Variants in CDH18 observed in about 807,000 individuals in gnomAD.
The protein encoded by CDH18 is cadherin 18.
In CDH18, 31 loss-of-function variants were observed where a neutral mutation model predicts 67.9. That is an observed-to-expected ratio of 0.46 (90% CI 0.34 to 0.62). The LOEUF is 0.62. CDH18 is among the 20% of genes least tolerant of loss of function. The pLI is 0.01. For synonymous variants in CDH18, 362 were observed against 347.2 expected (o/e 1.04, Z -0.48); for missense variants, 890 against 975.5 (o/e 0.91, Z 1.17).
At chr5:20,207,399 A>G (rs774992278) in intron 2 of CDH18, among the ~76,000 whole-genome samples, 1 of 152,052 alleles carries the variant, frequency 6.6e-6, no homozygotes, top group Non-Finnish European at 1.5e-5. Context: ...AATAACAATA[A>G]TACCTGTATT....
intron 3 of CDH18, among the ~76,000 whole-genome samples, chr5:19,782,376 C>T (rs533840644): frequency 3.3e-5 from 5 of 152,056 alleles, no homozygotes; most frequent in South Asian, 2.1e-4. Context: ...GCCCTTGACA[C>T]GTGGGGATTA....
chr5:20,486,698 T>TATATATATATATAC (rs1241021314), intron 1 of CDH18, among the ~76,000 whole-genome samples: 6 of 150,426 alleles, frequency 4.0e-5, no homozygotes, highest in South Asian at 2.1e-4. Context: ...TATATATATA[T>TATATATATATATAC]ACATATATGT....
chr5:20,174,518 T>C (rs921587234), intron 2 of CDH18, among the ~76,000 whole-genome samples: 10 of 152,298 alleles, frequency 6.6e-5, no homozygotes, highest in Admixed American at 6.5e-5. Flanking sequence ...AATTATGAAA[T>C]AATTAGAAAC....
intron 2 of CDH18, among the ~76,000 whole-genome samples, chr5:19,952,110 G>C (rs530854785): frequency 6.6e-6 from 1 of 151,936 alleles, no homozygotes; most frequent in African/African-American, 2.4e-5. Flanking sequence ...GCGCAGTGGC[G>C]CCATTTCAGC....
chr5:19,928,578 A>G (rs1203773066), intron 2 of CDH18, among the ~76,000 whole-genome samples: 1 of 152,176 alleles, frequency 6.6e-6, no homozygotes. Context: ...TGTAACATAC[A>G]TATCCATACA....
intron 1 of CDH18, among the ~76,000 whole-genome samples, chr5:20,378,160 G>A (rs1327789316): frequency 1.3e-5 from 2 of 152,058 alleles, no homozygotes; most frequent in Non-Finnish European, 2.9e-5. Flanking sequence ...ATTAACAGAT[G>A]ACCCTCGTTT....
intron 5 of CDH18, among the ~76,000 whole-genome samples, chr5:19,704,817 T>G (rs1763734049): frequency 6.6e-6 from 1 of 152,086 alleles, no homozygotes; most frequent in South Asian, 2.1e-4. Context: ...ATCAGGTAAA[T>G]GGAGAATGTT....
intron 2 of CDH18, among the ~76,000 whole-genome samples, chr5:20,115,270 C>CTTTTTTTTTTTTTTTTTTT (rs753438800): frequency 1.7e-5 from 1 of 58,138 alleles, no homozygotes; most frequent in Non-Finnish European, 2.8e-5. Context: ...AGGGCCTCAT[C>CTTTTTTTTTTTTTTTTTTT]TTTTTTTTTT....
chr5:20,457,582 G>T (rs1750928076), intron 1 of CDH18, among the ~76,000 whole-genome samples: 1 of 152,154 alleles, frequency 6.6e-6, no homozygotes, highest in Non-Finnish European at 1.5e-5. Flanking sequence ...TTTCCGAGAA[G>T]AGGTGATGGG....
intron 1 of CDH18, among the ~76,000 whole-genome samples, chr5:20,372,905 G>A (rs903527288): frequency 5.9e-5 from 9 of 151,728 alleles, no homozygotes; most frequent in East Asian, 3.9e-4. Context: ...ATATCTCTAC[G>A]TCTAAGAGAT....
intron 8 of CDH18, among the ~76,000 whole-genome samples, chr5:19,556,504 T>C (rs1738447112): frequency 6.6e-6 from 1 of 151,962 alleles, no homozygotes; most frequent in Admixed American, 6.6e-5. Flanking sequence ...GCAATGGAAT[T>C]GAACAAATAG....
intron 1 of CDH18, among the ~76,000 whole-genome samples, chr5:20,285,134 A>T (rs1746587805): frequency 6.6e-6 from 1 of 151,606 alleles, no homozygotes; most frequent in East Asian, 1.9e-4. Context: ...TGCATGCACA[A>T]ATCAAATACA....
chr5:20,137,995 T>G (rs181844938), intron 2 of CDH18, among the ~76,000 whole-genome samples: 1,704 of 152,014 alleles, frequency 0.011, 37 homozygotes, highest in African/African-American at 0.039. Flanking sequence ...ACCAAAGCCT[T>G]GCAGAGACAC....
chr5:20,425,983 T>C (rs1748272869), intron 1 of CDH18, among the ~76,000 whole-genome samples: 1 of 151,178 alleles, frequency 6.6e-6, no homozygotes, highest in Non-Finnish European at 1.5e-5. Flanking sequence ...AAAATCCAAA[T>C]TGGATACAAT....
chr5:19,890,377 A>T (rs1018260077), intron 2 of CDH18, among the ~76,000 whole-genome samples: 1 of 151,874 alleles, frequency 6.6e-6, no homozygotes, highest in Admixed American at 6.6e-5. Flanking sequence ...CTTTTTTTCC[A>T]TGTGGTGCAT....
At chr5:20,566,924 G>T (rs1758546301) in intron 1 of CDH18, among the ~76,000 whole-genome samples, 1 of 152,156 alleles carries the variant, frequency 6.6e-6, no homozygotes, top group Non-Finnish European at 1.5e-5. Context: ...GCATACTATA[G>T]ATTACTTGTA....
intron 1 of CDH18, among the ~76,000 whole-genome samples, chr5:20,504,577 T>A (rs943216905): frequency 6.6e-6 from 1 of 152,112 alleles, no homozygotes; most frequent in Admixed American, 6.5e-5. Context: ...ACATATAGAA[T>A]CATGCAAAGA....
chr5:20,354,894 A>G (rs963334742), intron 1 of CDH18, among the ~76,000 whole-genome samples: 11 of 152,200 alleles, frequency 7.2e-5, no homozygotes, highest in Admixed American at 3.3e-4. Flanking sequence ...TTACTTTATG[A>G]TATCTACAAC....
At chr5:19,963,633 C>T (rs1797129081) in intron 2 of CDH18, among the ~76,000 whole-genome samples, 1 of 152,090 alleles carries the variant, frequency 6.6e-6, no homozygotes, top group African/African-American at 2.4e-5. Flanking sequence ...TCCCCTTCAA[C>T]CATGATTATA....
Sources: allele counts gnomAD v4.1 joint callset (sites outside exome capture counted in the v4.1 genomes callset), GRCh38; gene constraint gnomAD v4.1.1; transcripts MANE v1.5; gene names NCBI Gene and HGNC (gene_info 2026-07-23, HGNC 2026-07-21).